SMG6: variants seen among roughly 807,000 people sequenced by gnomAD.
SMG6 encodes telomerase-binding protein EST1A.
SMG6 carries 66 observed loss-of-function variants against 142.2 expected under a neutral mutation model. The ratio of observed to expected loss-of-function variants is 0.46; its 90% CI spans 0.38 to 0.57. The LOEUF is 0.57. SMG6 is among the 20% of genes least tolerant of loss of function. The pLI is 0.00. For missense variants in SMG6, 1,793 were observed against 1,832.0 expected, an observed-to-expected ratio of 0.98 and a Z score of 0.39; for synonymous variants, 779 against 702.4, an observed-to-expected ratio of 1.11 and a Z score of -1.72.
At chr17:2,283,968 C>A (rs1172424086) in intron 6 of SMG6, among the ~76,000 whole-genome samples, 4 of 152,128 alleles carry the variant, frequency 2.6e-5, no homozygotes, top group Non-Finnish European at 5.9e-5. Context: ...GAACCAAGTA[C>A]TCATAAGGAG....
At chr17:2,092,668 A>G (rs1306399131) in intron 13 of SMG6, among the ~76,000 whole-genome samples, 1 of 152,252 alleles carries the variant, frequency 6.6e-6, no homozygotes, top group Non-Finnish European at 1.5e-5. Flanking sequence ...AACCAGGGGA[A>G]CAGGGGAGTT....
chr17:2,102,945 C>T (rs1425203030), intron 13 of SMG6, among the ~76,000 whole-genome samples: 1 of 152,174 alleles, frequency 6.6e-6, no homozygotes, highest in Admixed American at 6.5e-5. Context: ...TTCAATTCCA[C>T]CCATGTTGCT....
intron 8 of SMG6, among the ~76,000 whole-genome samples, chr17:2,254,381 C>A (rs976925573): frequency 6.6e-6 from 1 of 152,224 alleles, no homozygotes; most frequent in Non-Finnish European, 1.5e-5. Flanking sequence ...GTGGCCCAAG[C>A]TGGAGTACAC....
chr17:2,291,950 C>T (rs918581804), intron 6 of SMG6, among the ~76,000 whole-genome samples: 6 of 152,034 alleles, frequency 3.9e-5, no homozygotes, highest in Admixed American at 2.6e-4. Context: ...ACCACTGGTC[C>T]CCACTTTCCC....
chr17:2,205,284 G>A (rs4790885), intron 10 of SMG6, among the ~76,000 whole-genome samples: 53,524 of 151,880 alleles, frequency 0.35, 9,598 homozygotes, highest in Middle Eastern at 0.42. Flanking sequence ...GGCCAGCCTG[G>A]TCTCGAACCC....
chr17:2,205,570 G>A (rs1041742390), intron 10 of SMG6, among the ~76,000 whole-genome samples: 7 of 151,962 alleles, frequency 4.6e-5, no homozygotes, highest in African/African-American at 1.2e-4. Context: ...TACCATAAAC[G>A]GACTTAAAAT....
At chr17:2,149,036 T>C (rs1007644014) in intron 13 of SMG6, among the ~76,000 whole-genome samples, 3 of 152,052 alleles carry the variant, frequency 2.0e-5, no homozygotes, top group Admixed American at 6.6e-5. Context: ...CTTAATGCTG[T>C]AGAACCGTAC....
chr17:2,107,608 G>C (rs1419043012), intron 13 of SMG6, among the ~76,000 whole-genome samples: 1 of 152,124 alleles, frequency 6.6e-6, no homozygotes, highest in Non-Finnish European at 1.5e-5. Context: ...TCTTGGGCTG[G>C]GGCAGCTCCT....
intron 13 of SMG6, among the ~76,000 whole-genome samples, chr17:2,130,658 T>G: frequency 6.6e-6 from 1 of 152,110 alleles, no homozygotes; most frequent in Non-Finnish European, 1.5e-5. Flanking sequence ...ATATATTCTT[T>G]ATGACCTCAG....
At chr17:2,120,482 G>A (rs180737509) in intron 13 of SMG6, among the ~76,000 whole-genome samples, 4 of 152,334 alleles carry the variant, frequency 2.6e-5, no homozygotes, top group South Asian at 2.1e-4. Flanking sequence ...CACTTTGGAC[G>A]AGTGAGGCAG....
At position 2,299,858 on chromosome 17, in the gene SMG6, A is replaced by C. The variant is rs764406732; in HGVS notation, c.895T>G (p.Ser299Ala). 1 of 1,614,138 alleles carries C rather than the reference A, an allele frequency of 6.2e-7. No individual in the cohort carries two copies. The highest frequency in any genetic ancestry group is 2.2e-5 in the East Asian group (1 of 44,880). ...TCCTCGTCTAAGGAATCGGTTGAGG[A>C]CACAGACACTTGCTTCTTCAGTCGT... ...RPRLKKQVSV[S>A]STDSLDEDRI... is the part of the protein sequence containing the mutation. The change falls in exon 2 of 19, where the codon TCC (serine) becomes GCC (alanine). Residue 299 changes from serine to alanine, a missense_variant. Physicochemically the swap from Ser to Ala is moderately conservative, Grantham distance 99. Around this residue, in one of 3 missense-constraint regions of SMG6, gnomAD observed 1,597 missense variants for 1,584.6 expected, o/e 1.01. Coordinates refer to ENST00000263073, the MANE Select transcript of SMG6 (RefSeq NM_017575.5). The surrounding 1 kb of genome is among the most constrained non-coding windows in gnomAD (Gnocchi z 4.3).
intron 8 of SMG6, among the ~76,000 whole-genome samples, chr17:2,254,204 G>A (rs1567721120): frequency 6.6e-6 from 1 of 152,176 alleles, no homozygotes; most frequent in African/African-American, 2.4e-5. Context: ...CAAATAGTAG[G>A]GGAGCTAGGA....
At chr17:2,157,012 AT>A (rs1200660119) in intron 13 of SMG6, among the ~76,000 whole-genome samples, 1 of 152,226 alleles carries the variant, frequency 6.6e-6, no homozygotes, top group African/African-American at 2.4e-5. Flanking sequence ...AAGTGTTTGT[AT>A]GTATCTCAGC....
intron 10 of SMG6, among the ~76,000 whole-genome samples, chr17:2,191,132 G>A (rs1398951801): frequency 1.3e-5 from 2 of 152,182 alleles, no homozygotes; most frequent in African/African-American, 2.4e-5. Context: ...CCTTTCAATA[G>A]GGTAAAGAAA....
rs78527888 is a variant in SMG6 at position 2,182,898 on chromosome 17, G to C, written c.3155+3765C>G. Among the ~76,000 whole-genome samples the C allele has an allele frequency of 1.6e-4, 25 of 151,906 alleles. No individual in the cohort carries two copies. In the East Asian group the frequency reaches 3.7e-3, roughly 22 times the overall value. On this transcript the variant is annotated intron_variant, in intron 12 of 18. Coordinates refer to ENST00000263073, the MANE Select transcript of SMG6 (RefSeq NM_017575.5). ...GAAGAGGGAAACGAGAAATGGCCAG[G>C]GGGGTGGGGTGGGCAGGGGTGAAAC...
At position 2,299,953 on chromosome 17, in the gene SMG6, C is replaced by A. The variant is rs1462673052; in HGVS notation, c.800G>T (p.Ser267Ile). 1 of 1,614,132 alleles carries A rather than the reference C, an allele frequency of 6.2e-7. No homozygotes were observed. Among genetic ancestry groups the A allele is most frequent in the Non-Finnish European group, 8.5e-7 (1 of 1,180,036 alleles). ...RSTSSAGSNN[S>I]AEGAGLTDNG... The stretch of plus-strand genomic sequence containing the variant: ...ATCCGTCAGGCCAGCTCCCTCAGCG[C>A]TGTTGTTGCTGCCAGCTGAGCTGGT... The change falls in exon 2 of 19, where the codon AGC becomes ATC. Residue 267 changes from serine to isoleucine, a missense_variant. By Grantham distance (142) the Ser-to-Ile change is moderately radical. Transcript: ENST00000263073. This position sits in a 1 kb window ranked among gnomAD's most constrained non-coding sequence, Gnocchi z 4.3.
intron 8 of SMG6, among the ~76,000 whole-genome samples, chr17:2,255,433 T>C (rs1051094431): frequency 1.0e-5 from 1 of 99,008 alleles, no homozygotes; most frequent in Non-Finnish European, 2.4e-5. Context: ...AAAAAAAGAA[T>C]GTGATCTTCA....
At chr17:2,259,597 C>A (rs1231280144) in intron 8 of SMG6, among the ~76,000 whole-genome samples, 1 of 148,064 alleles carries the variant, frequency 6.8e-6, no homozygotes, top group South Asian at 2.1e-4. Flanking sequence ...CACCTGAGCC[C>A]AGGAGGTTGA....
chr17:2,072,522 G>C (rs1299993350), intron 15 of SMG6, among the ~76,000 whole-genome samples: 1 of 152,208 alleles, frequency 6.6e-6, no homozygotes, highest in Non-Finnish European at 1.5e-5. Flanking sequence ...TAATACCTAA[G>C]GAGGAAGCTA....
Sources: gnomAD v4.1 joint callset for allele counts (sites outside exome capture counted in the v4.1 genomes callset) on GRCh38, gnomAD v4.1.1 for gene constraint, gnomAD v4.1.1 regional missense constraint, Gnocchi (gnomAD v3.1) non-coding constraint, MANE v1.5 for transcripts, NCBI Gene and HGNC (gene_info 2026-07-23, HGNC 2026-07-21) for gene names.